Variants in EPM2A observed in about 807,000 individuals in gnomAD.
EPM2A encodes EPM2A glucan phosphatase, laforin, also known as laforin.
EPM2A carries 21 observed loss-of-function variants against 26.5 expected under a neutral mutation model. That is an observed-to-expected ratio of 0.79 (90% confidence interval 0.56 to 1.14). EPM2A has a LOEUF of 1.14. EPM2A is among the 50% of genes most tolerant of loss of function. The pLI, the probability that EPM2A is intolerant of heterozygous loss-of-function variation, is 0.00. For synonymous variants in EPM2A, 217 were observed against 177.6 expected (o/e 1.22, Z -1.76); for missense variants, 458 against 440.8 (o/e 1.04, Z -0.35).
intron 2 of EPM2A, among the ~76,000 whole-genome samples, chr6:145,598,720 C>T (rs1352345505): frequency 6.6e-6 from 1 of 151,946 alleles, no homozygotes; most frequent in Non-Finnish European, 1.5e-5. Flanking sequence ...GGTTGTTGTA[C>T]AGGATTTTAT....
chr6:145,687,513 A>C (rs1781006299), intron 1 of EPM2A, among the ~76,000 whole-genome samples: 1 of 152,072 alleles, frequency 6.6e-6, no homozygotes, highest in Admixed American at 6.6e-5. Flanking sequence ...TTATCATCCC[A>C]TTTCAAATCA....
At chr6:145,407,283 T>C (rs917958225) in intron 4 of EPM2A, among the ~76,000 whole-genome samples, 1 of 152,140 alleles carries the variant, frequency 6.6e-6, no homozygotes, top group Non-Finnish European at 1.5e-5. Flanking sequence ...GGCTGTAATT[T>C]GAGCAATCTT....
At chr6:145,724,083 C>T (rs1360756518) in intron 1 of EPM2A, among the ~76,000 whole-genome samples, 1 of 152,072 alleles carries the variant, frequency 6.6e-6, no homozygotes, top group East Asian at 1.9e-4. Context: ...ACCCAGAGTT[C>T]ATTGCTTAAT....
chr6:145,524,005 A>C (rs1275628743), intron 2 of EPM2A, among the ~76,000 whole-genome samples: 2 of 152,114 alleles, frequency 1.3e-5, no homozygotes, highest in Admixed American at 6.6e-5. Context: ...TGTGAACCCA[A>C]TGCTTAGCTC....
intron 2 of EPM2A, among the ~76,000 whole-genome samples, chr6:145,553,230 C>A (rs1378575263): frequency 6.6e-6 from 1 of 152,132 alleles, no homozygotes; most frequent in Non-Finnish European, 1.5e-5. Context: ...GTTTCCTGAG[C>A]TCTCACCAGC....
chr6:145,500,361 A>G (rs2114750236), downstream of EPM2A, among the ~76,000 whole-genome samples: 1 of 152,334 alleles, frequency 6.6e-6, no homozygotes, highest in East Asian at 1.9e-4. Context: ...AGAGGTGAGA[A>G]AACTGCAAAA....
Position 145,397,017 on chromosome 6 carries a change from C to G in EPM2A, c.556-12920G>C, listed in dbSNP as rs1778414214. On this transcript the variant is annotated intron_variant, in intron 4 of 4. Coordinates refer to the EPM2A transcript ENST00000638717. ...GGCTAGTTGAGCAGACTGATGAAAT[C>G]ATTAAAAACCATCTGGCAAAAATCA... Among the ~76,000 whole-genome samples, 2 of 152,184 alleles carry G rather than the reference C, an allele frequency of 1.3e-5. 1 individual carries two copies. Among genetic ancestry groups the G allele is most frequent in the South Asian group, 4.1e-4 (2 of 4,836 alleles).
At chr6:145,593,885 A>C (rs1005424845) in intron 2 of EPM2A, among the ~76,000 whole-genome samples, 1 of 151,926 alleles carries the variant, frequency 6.6e-6, no homozygotes, top group Non-Finnish European at 1.5e-5. Flanking sequence ...ATTTAAGCCT[A>C]AAGTCATCAG....
intron 2 of EPM2A, among the ~76,000 whole-genome samples, chr6:145,513,993 C>G (rs1006332025): frequency 6.6e-6 from 1 of 152,198 alleles, no homozygotes; most frequent in African/African-American, 2.4e-5. Flanking sequence ...CACAGCTGAA[C>G]TGGTGGTGCA....
At chr6:145,407,482 C>T (rs1446254967) in intron 4 of EPM2A, among the ~76,000 whole-genome samples, 1 of 152,056 alleles carries the variant, frequency 6.6e-6, no homozygotes, top group African/African-American at 2.4e-5. Flanking sequence ...CAAAAAAAGG[C>T]TACAGCATAA....
intron 1 of EPM2A, among the ~76,000 whole-genome samples, chr6:145,695,575 G>A (rs980837003): frequency 3.3e-5 from 5 of 151,912 alleles, no homozygotes; most frequent in East Asian, 3.9e-4. Flanking sequence ...AAGAACACAC[G>A]TAGATGGAAA....
At chr6:145,722,688 C>A in intron 1 of EPM2A, 1 of 429,114 alleles carries the variant, frequency 2.3e-6, no homozygotes, top group Non-Finnish European at 4.6e-6. Flanking sequence ...ACTCCTAGAT[C>A]CTCAGAATGT....
chr6:145,714,665 A>C (rs955472995), intron 1 of EPM2A, among the ~76,000 whole-genome samples: 1 of 152,244 alleles, frequency 6.6e-6, no homozygotes, highest in Non-Finnish European at 1.5e-5. Flanking sequence ...GAAGCCTCAC[A>C]ATCATGGCAG....
intron 1 of EPM2A, among the ~76,000 whole-genome samples, chr6:145,704,520 A>G (rs1186406992): frequency 6.6e-6 from 1 of 152,022 alleles, no homozygotes; most frequent in African/African-American, 2.4e-5. Context: ...CCAGTGGGAC[A>G]GATAGCGGAA....
intron 4 of EPM2A, among the ~76,000 whole-genome samples, chr6:145,475,319 A>C (rs1279305684): frequency 1.3e-5 from 2 of 152,178 alleles, no homozygotes; most frequent in Admixed American, 6.5e-5. Flanking sequence ...CTTTGCAGGG[A>C]CATGGGTGAA....
chr6:145,465,911 G>A (rs1713165828), intron 4 of EPM2A, among the ~76,000 whole-genome samples: 1 of 152,028 alleles, frequency 6.6e-6, no homozygotes, highest in Admixed American at 6.6e-5. Flanking sequence ...TTAATAAATG[G>A]TGCTAGGAAA....
At chr6:145,684,031 C>T (rs1230963902) in intron 2 of EPM2A, among the ~76,000 whole-genome samples, 2 of 152,000 alleles carry the variant, frequency 1.3e-5, no homozygotes, top group African/African-American at 4.8e-5. Flanking sequence ...TTAAAAATAA[C>T]TCTCATTAGT....
downstream of EPM2A, among the ~76,000 whole-genome samples, chr6:145,622,939 T>C (rs1237247568): frequency 6.6e-6 from 1 of 152,254 alleles, no homozygotes; most frequent in Non-Finnish European, 1.5e-5. Context: ...CTATCTTTAC[T>C]TGCCTCAGAA....
At chr6:145,670,895 A>T in intron 2 of EPM2A, 1 of 985,298 alleles carries the variant, frequency 1.0e-6, no homozygotes, top group Non-Finnish European at 1.2e-6. Context: ...TTAATACTCA[A>T]TAAAAATCAT....
Sources: gnomAD v4.1 joint callset for allele counts (sites outside exome capture counted in the v4.1 genomes callset) on GRCh38, gnomAD v4.1.1 for gene constraint, MANE v1.5 for transcripts, NCBI Gene and HGNC (gene_info 2026-07-23, HGNC 2026-07-21) for gene names.